NDUFA5: variants seen among roughly 807,000 people sequenced by gnomAD.
The protein encoded by NDUFA5 is NADH dehydrogenase [ubiquinone] 1 alpha subcomplex subunit 5.
Under a neutral mutation model 19.8 loss-of-function variants are expected in NDUFA5, and 11 were observed. That is an observed-to-expected ratio of 0.56 (90% CI 0.35 to 0.92). The LOEUF (loss-of-function observed/expected upper bound fraction) is 0.92. Among genes scored for constraint, NDUFA5 ranks in the 40% least tolerant of loss-of-function variants. The probability of loss-of-function intolerance (pLI) is 0.01; values close to 1 mark genes in which losing one functional copy is unlikely to be tolerated. For missense variants in NDUFA5, 109 were observed against 134.2 expected, an observed-to-expected ratio of 0.81 and a Z score of 0.93; for synonymous variants, 47 against 46.8, an observed-to-expected ratio of 1.00 and a Z score of -0.01.
chr7:123,569,513 G>A, the NDUFA5 span, among the ~76,000 whole-genome samples: 2 of 152,272 alleles, frequency 1.3e-5, no homozygotes, highest in African/African-American at 2.4e-5. Context: ...AATAGTTAGA[G>A]GATGTATGAG....
At chr7:123,589,183 C>G in the NDUFA5 span, among the ~76,000 whole-genome samples, 3 of 151,740 alleles carry the variant, frequency 2.0e-5, no homozygotes, top group African/African-American at 7.3e-5. Context: ...CCCTTCAGAA[C>G]TCTTAATATT....
chr7:123,595,081 CA>C, the NDUFA5 span, among the ~76,000 whole-genome samples: 2 of 152,182 alleles, frequency 1.3e-5, no homozygotes, highest in African/African-American at 4.8e-5. Context: ...TAGCAGCAAG[CA>C]AGGCTCCGTG....
intron 4 of NDUFA5, among the ~76,000 whole-genome samples, chr7:123,544,232 C>T (rs1798041881): frequency 6.6e-6 from 1 of 152,090 alleles, no homozygotes; most frequent in Non-Finnish European, 1.5e-5. Context: ...GGCAGGGTGG[C>T]TCACGCCTGT....
At chr7:123,587,594 A>T in the NDUFA5 span, among the ~76,000 whole-genome samples, 11 of 151,586 alleles carry the variant, frequency 7.3e-5, no homozygotes, top group African/African-American at 2.4e-4. Flanking sequence ...AATAGAAGTG[A>T]CGAGAGAAGG....
chr7:123,579,572 A>G, the NDUFA5 span, among the ~76,000 whole-genome samples: 15 of 152,196 alleles, frequency 9.9e-5, no homozygotes, highest in Admixed American at 9.2e-4. Flanking sequence ...TGAGGGCTTA[A>G]TAGATAATTG....
At chr7:123,581,915 A>C in the NDUFA5 span, among the ~76,000 whole-genome samples, 1 of 152,030 alleles carries the variant, frequency 6.6e-6, no homozygotes, top group Non-Finnish European at 1.5e-5. Context: ...TGAACTTTTT[A>C]GGTAAAGCAA....
the NDUFA5 span, among the ~76,000 whole-genome samples, chr7:123,564,088 G>A: frequency 7.9e-5 from 12 of 152,156 alleles, no homozygotes; most frequent in Non-Finnish European, 1.6e-4. Context: ...AACCCATATA[G>A]CCACCAAAAA....
chr7:123,546,770 A>G, intron 3 of NDUFA5: 1 of 1,028,756 alleles, frequency 9.7e-7, no homozygotes, highest in Non-Finnish European at 1.3e-6. Flanking sequence ...CTTTGCTCAA[A>G]TAACACCTTC....
intron 2 of NDUFA5, among the ~76,000 whole-genome samples, chr7:123,553,322 C>T (rs1006251570): frequency 1.3e-5 from 2 of 152,226 alleles, no homozygotes; most frequent in African/African-American, 2.4e-5. Context: ...GCTTGTCTTA[C>T]ATGGCAGGAA....
the NDUFA5 span, among the ~76,000 whole-genome samples, chr7:123,578,277 A>T: frequency 6.6e-6 from 1 of 151,356 alleles, no homozygotes; most frequent in East Asian, 1.9e-4. Flanking sequence ...AAATTCATCT[A>T]AAGCCTCTTG....
the NDUFA5 span, among the ~76,000 whole-genome samples, chr7:123,564,885 G>A: frequency 3.3e-3 from 432 of 130,488 alleles, 2 homozygotes; most frequent in Non-Finnish European, 4.3e-3. Flanking sequence ...AAGTTGAGAA[G>A]CATCTGGACA....
chr7:123,593,232 C>T, the NDUFA5 span, among the ~76,000 whole-genome samples: 1 of 152,026 alleles, frequency 6.6e-6, no homozygotes, highest in African/African-American at 2.4e-5. Flanking sequence ...TCCAATTTGC[C>T]AGTCTGTGTC....
chr7:123,545,586 C>G (rs1193934128), intron 4 of NDUFA5, 25 bp downstream of exon 4: 1 of 1,591,414 alleles, frequency 6.3e-7, no homozygotes, highest in Middle Eastern at 1.7e-4. Context: ...AAACCAAACA[C>G]CTAAATAGTC....
At chr7:123,557,115 T>C (rs1798583941) in intron 2 of NDUFA5, 1 of 627,766 alleles carries the variant, frequency 1.6e-6, no homozygotes, top group Non-Finnish European at 3.0e-6. Context: ...AAAACGGAGA[T>C]ATAAATTTGA....
the NDUFA5 span, among the ~76,000 whole-genome samples, chr7:123,586,428 T>A: frequency 1.3e-5 from 2 of 151,922 alleles, no homozygotes; most frequent in African/African-American, 4.8e-5. Flanking sequence ...TTAGGTTATT[T>A]GTTTTTTCTG....
chr7:123,546,153 T>C (rs1358528777), intron 3 of NDUFA5, among the ~76,000 whole-genome samples: 1 of 152,118 alleles, frequency 6.6e-6, no homozygotes, highest in Non-Finnish European at 1.5e-5. Flanking sequence ...CAAATGATCA[T>C]CTGTAATAGA....
chr7:123,574,357 G>A, the NDUFA5 span, among the ~76,000 whole-genome samples: 3 of 152,026 alleles, frequency 2.0e-5, no homozygotes, highest in African/African-American at 4.8e-5. Context: ...AGTATATGTC[G>A]GAATCACCTG....
intron 3 of NDUFA5, 188 bp downstream of exon 3, chr7:123,550,282 T>A (rs1395030501): frequency 7.8e-6 from 4 of 513,814 alleles, no homozygotes; most frequent in Non-Finnish European, 1.4e-5. Flanking sequence ...CTCCAGTATG[T>A]AACAGAGGCC....
At chr7:123,572,702 A>C in the NDUFA5 span, among the ~76,000 whole-genome samples, 1 of 125,818 alleles carries the variant, frequency 7.9e-6, no homozygotes, top group Admixed American at 7.4e-5. Context: ...TATTCACTCT[A>C]TCTCTTTTTT....
Sources: allele counts gnomAD v4.1 joint callset (sites outside exome capture counted in the v4.1 genomes callset), GRCh38; gene constraint gnomAD v4.1.1; transcripts MANE v1.5; gene names NCBI Gene and HGNC (gene_info 2026-07-23, HGNC 2026-07-21).